The following REM1 variants were observed in gnomAD, a reference collection of about 807,000 sequenced individuals.
REM1 encodes the protein GTP-binding protein REM 1.
Under a neutral mutation model 27.0 loss-of-function variants are expected in REM1, and 20 were observed. The observed-to-expected ratio is 0.74, with a 90% CI of 0.52 to 1.08. The LOEUF is 1.08. Ranked by LOEUF, REM1 falls within the 50% of genes least tolerant of loss-of-function variation. The pLI is 0.00. For synonymous variants in REM1, 159 were observed against 167.9 expected (o/e 0.95, Z 0.41); for missense variants, 405 against 407.0 (o/e 1.00, Z 0.04).
chr20:31,484,616 AGACG>A lies in REM1; in HGVS notation c.*187_*190del. 1.4e-6 allele frequency: 1 copy of A among 737,272 alleles called. No individual in the cohort carries two copies. The highest frequency in any genetic ancestry group is 2.0e-6 in the Non-Finnish European group (1 of 497,432). 45.7% of individuals were successfully genotyped at this position (737,272 alleles called of 1,614,324 possible). On this transcript the variant is annotated 3_prime_UTR_variant, in exon 5 of 5. Coordinates refer to ENST00000201979, the MANE Select transcript of REM1 (RefSeq NM_014012.6). ...GATCCCGGGAAAGCGATGGACAGAC[AGACG>A]ATGGGGCCGAAGCCCCAAGCTGGGC...
intron 4 of REM1, among the ~76,000 whole-genome samples, chr20:31,483,256 C>T (rs143897951): frequency 1.4e-3 from 206 of 152,288 alleles, no homozygotes; most frequent in Non-Finnish European, 2.0e-3. Flanking sequence ...GCCAAGACCA[C>T]GCCACTGCAC....
intron 4 of REM1, among the ~76,000 whole-genome samples, chr20:31,482,764 C>A (rs1323603690): frequency 6.6e-6 from 1 of 152,198 alleles, no homozygotes; most frequent in African/African-American, 2.4e-5. Context: ...CGCCAGTCCT[C>A]CTGCTTCTCA....
At chr20:31,482,183 T>C (rs1251337436) in intron 3 of REM1, 104 bp from the exon 4 acceptor site, 2 of 1,026,282 alleles carry the variant, frequency 1.9e-6, no homozygotes, top group African/African-American at 3.2e-5. Context: ...GTCCAAACTA[T>C]AAACCTCAAG....
chr20:31,483,523 C>G (rs1980801137), intron 4 of REM1, among the ~76,000 whole-genome samples: 1 of 152,050 alleles, frequency 6.6e-6, no homozygotes, highest in Non-Finnish European at 1.5e-5. Flanking sequence ...TAACTACAAA[C>G]CAAAATTTTA....
At chr20:31,477,064 C>T (rs763706206) in intron 2 of REM1, among the ~76,000 whole-genome samples, 3 of 152,086 alleles carry the variant, frequency 2.0e-5, no homozygotes, top group Non-Finnish European at 2.9e-5. Flanking sequence ...CCATGTCATG[C>T]GGGTGGCAAT....
intron 2 of REM1, 48 bp from the exon 3 acceptor site, chr20:31,477,780 T>C (rs1272458374): frequency 1.0e-5 from 15 of 1,467,704 alleles, no homozygotes; most frequent in Non-Finnish European, 1.2e-5. Flanking sequence ...CCACACTCTC[T>C]CAGGCTTGCC....
Position 31,482,352 on chromosome 20 carries a change from C to G in REM1, c.489C>G (p.Ile163Met). 1 of 1,614,156 alleles carries G rather than the reference C, an allele frequency of 6.2e-7. No individual in the cohort carries two copies. The highest frequency in any genetic ancestry group is 8.5e-7 in the Non-Finnish European group (1 of 1,180,040). The change falls in exon 4 of 5, where the codon ATC becomes ATG. Residue 163 changes from isoleucine (I) to methionine (M), a missense_variant. Transcript: ENST00000201979. ...GGSAYVIVYS[I>M]ADRGSFESAS... ...GTGCCTATGTCATCGTATACTCCATCGCAGACCGAGGCAGCTTTGAGAGTG... is the reference window on the plus strand; with the variant it reads ...GTGCCTATGTCATCGTATACTCCATGGCAGACCGAGGCAGCTTTGAGAGTG...
chr20:31,482,271 G>T lies in REM1; in HGVS notation c.424-16G>T, dbSNP rs369838354. The T allele has an allele frequency of 2.7e-5, 43 of 1,613,500 alleles. No homozygotes were observed. The highest frequency in any genetic ancestry group is 3.3e-5 in the Non-Finnish European group (39 of 1,179,750). ...AGATACCCTCTGAGGATGGGTCTTG[G>T]GTCCCTCTCCTGCAGGATAAAAGCT... On this transcript the variant is annotated splice_polypyrimidine_tract_variant and intron_variant, in intron 3 of 4. Transcript: ENST00000201979.
At chr20:31,476,996 C>A (rs1203236429) in intron 2 of REM1, among the ~76,000 whole-genome samples, 1 of 152,184 alleles carries the variant, frequency 6.6e-6, no homozygotes, top group Non-Finnish European at 1.5e-5. Context: ...GAGGGAAATT[C>A]TTGAATAGAA....
chr20:31,475,796 C>G lies in REM1; in HGVS notation c.-220+430C>G, dbSNP rs902579823. The stretch of plus-strand genomic sequence containing the variant: ...GGTCAGACACGCGGTTCCCATGGCA[C>G]TAGGGCACTCGGGTTACAGTCGGGT... On this transcript the variant is annotated intron_variant, in intron 1 of 4. Coordinates refer to ENST00000201979, the MANE Select transcript of REM1 (RefSeq NM_014012.6). This position sits in a 1 kb window ranked among gnomAD's most constrained non-coding sequence, Gnocchi z 5.0. 7.2e-5 allele frequency among the ~76,000 whole-genome samples: 11 copies of G among 152,230 alleles called. No individual in the cohort carries two copies. The highest frequency in any genetic ancestry group is 1.6e-4 in the Non-Finnish European group (11 of 68,032).
Position 31,482,324 on chromosome 20 carries a change from G to T in REM1, c.461G>T (p.Gly154Val), listed in dbSNP as rs777872726. 1 of 1,614,128 alleles carries T rather than the reference G, an allele frequency of 6.2e-7. No homozygotes were observed. The highest frequency in any genetic ancestry group is 1.7e-5 in the Admixed American group (1 of 60,022). The change falls in exon 4 of 5, where the codon GGC becomes GTC. Residue 154 changes from glycine to valine, a missense_variant. Transcript: ENST00000201979. ...SWSQESCLQG[G>V]SAYVIVYSIA... ...AGCCAGGAGTCATGCCTGCAGGGGG[G>T]CAGTGCCTATGTCATCGTATACTCC...
intron 3 of REM1, among the ~76,000 whole-genome samples, chr20:31,478,939 A>ATTCTCCTGC (rs1198415625): frequency 6.6e-6 from 1 of 151,810 alleles, no homozygotes; most frequent in Non-Finnish European, 1.5e-5. Context: ...GGTTCAAGCA[A>ATTCTCCTGC]TTCTCCTGCC....
chr20:31,481,051 T>A (rs1472542547), intron 3 of REM1, among the ~76,000 whole-genome samples: 1 of 152,094 alleles, frequency 6.6e-6, no homozygotes, highest in Non-Finnish European at 1.5e-5. Context: ...GGTGGGTGGA[T>A]CACCTGAGGT....
Position 31,484,248 on chromosome 20 carries a change from G to T in REM1, c.715G>T (p.Val239Leu). 1.2e-6 allele frequency: 2 copies of T among 1,604,952 alleles called. No homozygotes were observed. Among genetic ancestry groups the T allele is most frequent in the Non-Finnish European group, 1.7e-6 (2 of 1,176,878 alleles). Residue 239 changes from valine (V) to leucine (L), a missense_variant, in exon 5 of 5, where the codon GTG becomes TTG. Val to Leu is a conservative substitution (Grantham distance 32). Transcript: ENST00000201979. Reference sequence around the variant, plus strand: ...CAATGTGGCCGAGCTCTTCGAGGGCGTGGTGCGCCAACTGCGCTTGCGCCG... The same window carrying T: ...CAATGTGGCCGAGCTCTTCGAGGGCTTGGTGCGCCAACTGCGCTTGCGCCG... ...QHNVAELFEGVVRQLRLRRRD... is the reference protein window; with the variant it reads ...QHNVAELFEGLVRQLRLRRRD...
At position 31,477,881 on chromosome 20, in the gene REM1, G is replaced by A. The variant is rs1177760583; in HGVS notation, c.394G>A (p.Val132Ile). 14 of 1,612,686 alleles carry A rather than the reference G, an allele frequency of 8.7e-6. No homozygotes were observed. Among genetic ancestry groups the A allele is most frequent in the African/African-American group, 8.0e-5 (6 of 74,876 alleles). ...TVDGEDTTLVVVDTWEAEKLD... is the reference protein window; with the variant it reads ...TVDGEDTTLVIVDTWEAEKLD... The stretch of plus-strand genomic sequence containing the variant: ...GGATGGAGAAGACACCACACTGGTG[G>A]TCGTGGACACCTGGGAGGCCGAGAA... The change falls in exon 3 of 5, where the codon GTC becomes ATC. Residue 132 changes from valine (V) to isoleucine (I), a missense_variant. By Grantham distance (29) the Val-to-Ile change is conservative. Coordinates refer to ENST00000201979, the MANE Select transcript of REM1 (RefSeq NM_014012.6).
At chr20:31,477,796 T>TC in intron 2 of REM1, 32 bp from the exon 3 acceptor site, 1 of 1,577,802 alleles carries the variant, frequency 6.3e-7, no homozygotes, top group Non-Finnish European at 8.7e-7. Context: ...TTGCCCGTCC[T>TC]CCCTGAGATC....
At position 31,476,466 on chromosome 20, in the gene REM1, G is replaced by A. The variant is rs968321558; in HGVS notation, c.21G>A (p.Gln7=). The A allele has an allele frequency of 7.5e-6, 12 of 1,595,736 alleles. No individual in the cohort carries two copies. In the African/African-American group the frequency reaches 1.3e-4, roughly 18 times the overall value. The change falls in exon 2 of 5, where the codon CAG becomes CAA. Residue 7 remains glutamine (Q), a synonymous_variant. Transcript: ENST00000201979. MTLNTE[Q]EAKTPLHRRA... is the part of the protein sequence containing the mutation. Reference sequence around the variant, plus strand: ...CAAAGATGACACTCAACACCGAGCAGGAAGCAAAGACCCCTCTGCACCGGC... The same window carrying A: ...CAAAGATGACACTCAACACCGAGCAAGAAGCAAAGACCCCTCTGCACCGGC...
intron 4 of REM1, among the ~76,000 whole-genome samples, chr20:31,483,253 C>A (rs906983792): frequency 6.6e-6 from 1 of 152,148 alleles, no homozygotes; most frequent in Non-Finnish European, 1.5e-5. Flanking sequence ...TGAGCCAAGA[C>A]CACGCCACTG....
intron 4 of REM1, 27 bp downstream of exon 4, chr20:31,482,515 C>T: frequency 6.2e-7 from 1 of 1,606,476 alleles, no homozygotes; most frequent in South Asian, 1.1e-5. Context: ...ACCACCTCCT[C>T]TTCACCTGGG....
Sources: allele counts gnomAD v4.1 joint callset (sites outside exome capture counted in the v4.1 genomes callset), GRCh38; gene constraint gnomAD v4.1.1; non-coding constraint Gnocchi (gnomAD v3.1); transcripts MANE v1.5; gene names NCBI Gene and HGNC (gene_info 2026-07-23, HGNC 2026-07-21).